The following SUCNR1 variants were observed in gnomAD, a reference collection of about 807,000 sequenced individuals.
The protein encoded by SUCNR1 is G-protein coupled receptor 91.
A neutral mutation model predicts 2.4 loss-of-function variants in SUCNR1; 5 were observed. That is an observed-to-expected ratio of 2.07 (90% CI 1.08 to 4.36). The LOEUF (loss-of-function observed/expected upper bound fraction) is 4.36. SUCNR1 is among the 30% of genes most tolerant of loss of function. The pLI, the probability that SUCNR1 is intolerant of heterozygous loss-of-function variation, is 0.00. For missense variants in SUCNR1, 373 were observed against 399.2 expected (o/e 0.93, Z 0.56); for synonymous variants, 162 against 143.9 (o/e 1.13, Z -0.90).
Position 151,881,242 on chromosome 3 carries a change from G to A in SUCNR1, c.699G>A (p.Leu233=). 1 of 1,614,182 alleles carries A rather than the reference G, an allele frequency of 6.2e-7. No individual in the cohort carries two copies. The highest frequency in any genetic ancestry group is 8.5e-7 in the Non-Finnish European group (1 of 1,180,028). The change falls in exon 3 of 3, where the codon TTG becomes TTA. Residue 233 remains leucine, a synonymous_variant. Transcript: ENST00000362032. ...TGCCCCTTGAAAAGCCTCTCAACTT[G>A]GTCATCATGGCAGTGGTAATCTTCT... ...TALPLEKPLN[L]VIMAVVIFSV...
chr3:151,874,138 ATATATATATTTTTTTTT>A (rs1275359107), intron 1 of SUCNR1, among the ~76,000 whole-genome samples: 1 of 76,306 alleles, frequency 1.3e-5, no homozygotes. Flanking sequence ...ATATATATAT[ATATATATATTTTTTTTT>A]TTTTTTTTTT....
At chr3:151,880,051 G>A (rs1481019527) in intron 2 of SUCNR1, 144 bp downstream of exon 2, 1 of 477,542 alleles carries the variant, frequency 2.1e-6, no homozygotes, top group Non-Finnish European at 3.7e-6. Flanking sequence ...CTTATGCCTG[G>A]AACACTTCCT....
chr3:151,874,156 T>A (rs1464031959), intron 1 of SUCNR1, among the ~76,000 whole-genome samples: 1,569 of 102,744 alleles, frequency 0.015, 17 homozygotes, highest in South Asian at 0.027. Context: ...ATTTTTTTTT[T>A]TTTTTTTTTT....
At position 151,874,146 on chromosome 3, in the gene SUCNR1, A is replaced by ATTTTTT. The variant is rs56678758; in HGVS notation, c.-42+459_-42+464dup. ...CATACATATATATATATATATATATATTTTTTTTTTTTTTTTTTTTTTTTA... is the reference window on the plus strand; with the variant it reads ...CATACATATATATATATATATATATATTTTTTTTTTTTTTTTTTTTTTTTTTTTTTA... On this transcript the variant is annotated intron_variant, in intron 1 of 2. Coordinates refer to ENST00000362032, the MANE Select transcript of SUCNR1 (RefSeq NM_033050.6). 1.5e-3 allele frequency among the ~76,000 whole-genome samples: 93 copies of ATTTTTT among 60,176 alleles called. 3 individuals are homozygous for ATTTTTT. Among genetic ancestry groups the ATTTTTT allele is most frequent in the Non-Finnish European group, 2.2e-3 (75 of 33,822 alleles). 39.5% of individuals were successfully genotyped at this position (60,176 alleles called of 152,430 possible).
At chr3:151,879,061 A>G (rs1314720366) in intron 1 of SUCNR1, among the ~76,000 whole-genome samples, 1 of 152,236 alleles carries the variant, frequency 6.6e-6, no homozygotes, top group Non-Finnish European at 1.5e-5. Flanking sequence ...GGTTTTTAGA[A>G]CATTTTGTTT....
At chr3:151,879,598 G>A (rs1408578376) in intron 1 of SUCNR1, among the ~76,000 whole-genome samples, 1 of 152,142 alleles carries the variant, frequency 6.6e-6, no homozygotes, top group East Asian at 1.9e-4. Context: ...ATAGAACTGT[G>A]AGAAATAAAT....
At chr3:151,875,984 T>G (rs1717912834) in intron 1 of SUCNR1, among the ~76,000 whole-genome samples, 1 of 152,190 alleles carries the variant, frequency 6.6e-6, no homozygotes, top group Non-Finnish European at 1.5e-5. Flanking sequence ...CTTTCTGCTG[T>G]GCACAATACA....
In SUCNR1 at chr3:151,880,838, C is replaced by A. The variant is rs753706901; in HGVS notation, c.295C>A (p.Arg99=). The A allele has an allele frequency of 6.2e-7, 1 of 1,613,956 alleles. No homozygotes were observed. Among genetic ancestry groups the A allele is most frequent in the Non-Finnish European group, 8.5e-7 (1 of 1,180,012 alleles). Residue 99 remains arginine (R), a synonymous_variant, in exon 3 of 3, where the codon CGA becomes AGA. Transcript: ENST00000362032. The part of the protein sequence containing the change: ...IYGDVLCISN[R]YVLHANLYTS... ...TGGAGACGTGCTCTGCATAAGCAAC[C>A]GATATGTGCTTCATGCCAACCTCTA...
At position 151,880,944 on chromosome 3, in the gene SUCNR1, AAAAG is replaced by A. The variant is rs746049084; in HGVS notation, c.407_410del (p.Lys136SerfsTer5). The A allele has an allele frequency of 1.2e-6, 2 of 1,613,920 alleles. No homozygotes were observed. The highest frequency in any genetic ancestry group is 1.3e-5 in the African/African-American group (1 of 74,912). On this transcript the variant is annotated frameshift_variant, in exon 3 of 3. Coordinates refer to ENST00000362032, the MANE Select transcript of SUCNR1 (RefSeq NM_033050.6). LOFTEE classifies it low-confidence loss of function (END_TRUNC). ...TATCCTTTCCGAGAACACCTTCTGC[AAAAG>A]AAAGAGTTTGCTATTTTAATCTCCT...
At chr3:151,876,066 A>G (rs1010792730) in intron 1 of SUCNR1, among the ~76,000 whole-genome samples, 1 of 152,218 alleles carries the variant, frequency 6.6e-6, no homozygotes, top group African/African-American at 2.4e-5. Context: ...AGGAAATGCA[A>G]AAGTGAAACA....
rs201481949 is a variant in SUCNR1 at position 151,881,290 on chromosome 3, C to G, written c.747C>G (p.His249Gln). ...TCTCTGTGCTTTTTACACCCTATCA[C>G]GTCATGCGGAATGTGAGGATCGCTT... ...VIFSVLFTPY[H>Q]VMRNVRIASR... Residue 249 changes from histidine to glutamine, a missense_variant, in exon 3 of 3, where the codon CAC becomes CAG. By Grantham distance (24) the His-to-Gln change is conservative. Around this residue, in one of 3 missense-constraint regions of SUCNR1, gnomAD observed 157 missense variants for 178.7 expected, o/e 0.88. Coordinates refer to ENST00000362032, the MANE Select transcript of SUCNR1 (RefSeq NM_033050.6). 1.2e-6 allele frequency: 2 copies of G among 1,614,214 alleles called. No homozygotes were observed. The highest frequency in any genetic ancestry group is 3.3e-5 in the Admixed American group (2 of 60,014).
intron 1 of SUCNR1, among the ~76,000 whole-genome samples, chr3:151,876,871 A>G (rs1717938494): frequency 6.6e-6 from 1 of 152,114 alleles, no homozygotes; most frequent in African/African-American, 2.4e-5. Flanking sequence ...TCATCTCTTC[A>G]CTCAACAAAG....
rs1471605529 is a variant in SUCNR1, at chr3:151,881,081, G to A, written c.538G>A (p.Asp180Asn). The A allele has an allele frequency of 6.8e-6, 11 of 1,614,094 alleles. No homozygotes were observed. The highest frequency in any genetic ancestry group is 9.3e-6 in the Non-Finnish European group (11 of 1,180,012). ...TTCNDFASSG[D>N]PNYNLIYSMC... ...CTGTAATGATTTTGCAAGTTCTGGA[G>A]ACCCCAACTACAACCTCATTTACAG... Residue 180 changes from aspartate (D) to asparagine (N), a missense_variant, in exon 3 of 3, where the codon GAC (aspartate) becomes AAC (asparagine). Asp to Asn is a conservative substitution (Grantham distance 23, BLOSUM62 1). Around this residue, in one of 3 missense-constraint regions of SUCNR1, gnomAD observed 32 missense variants for 58.3 expected, o/e 0.55. Coordinates refer to ENST00000362032, the MANE Select transcript of SUCNR1 (RefSeq NM_033050.6).
Position 151,884,151 on chromosome 3 carries a change from CT to C in SUCNR1, c.*2604del, listed in dbSNP as rs1718183647. The C allele has an allele frequency of 6.6e-6, 1 of 152,132 alleles. No individual in the cohort carries two copies. The highest frequency in any genetic ancestry group is 2.1e-4 in the South Asian group (1 of 4,828). The allele number at this position is 152,132 out of a possible 1,614,324, so 9.4% of individuals were successfully genotyped here. On this transcript the variant is annotated 3_prime_UTR_variant, in exon 3 of 3. Transcript: ENST00000362032. Reference sequence around the variant, plus strand: ...TCATAGCTGAGTACTCTTAAAATTACTGTTTATTATAAGTGAATGTCTTACA... The same window carrying C: ...TCATAGCTGAGTACTCTTAAAATTACGTTTATTATAAGTGAATGTCTTACA...
chr3:151,874,105 C>CATAT (rs1319151155), intron 1 of SUCNR1, among the ~76,000 whole-genome samples: 7 of 131,212 alleles, frequency 5.3e-5, no homozygotes, highest in African/African-American at 2.2e-4. Context: ...CACACACACA[C>CATAT]ACACACACAC....
Position 151,883,992 on chromosome 3 carries a change from T to C in SUCNR1, c.*2444T>C, listed in dbSNP as rs1196209891. 3 of 152,228 alleles carry C rather than the reference T, an allele frequency of 2.0e-5. No individual in the cohort carries two copies. Among genetic ancestry groups the C allele is most frequent in the Non-Finnish European group, 2.9e-5 (2 of 68,042 alleles). 9.4% of individuals were successfully genotyped at this position (152,228 alleles called of 1,614,324 possible). On this transcript the variant is annotated 3_prime_UTR_variant, in exon 3 of 3. Coordinates refer to ENST00000362032, the MANE Select transcript of SUCNR1 (RefSeq NM_033050.6). The stretch of plus-strand genomic sequence containing the variant: ...CTTTCAAGGTTCATCTCATCTGTCA[T>C]TCTTTGTTGAAGCTTGCCCTTATAT...
At chr3:151,880,457 AG>A in intron 2 of SUCNR1, 101 bp from the exon 3 acceptor site, 1 of 814,260 alleles carries the variant, frequency 1.2e-6, no homozygotes, top group Non-Finnish European at 2.0e-6. Context: ...TACTTTCTAT[AG>A]TTCACCATTC....
Position 151,879,879 on chromosome 3 carries a change from T to C in SUCNR1, c.-14T>C. On this transcript the variant is annotated 5_prime_UTR_variant, in exon 2 of 3. Transcript: ENST00000362032. ...TATGGTTTAACTCAGCAGAATTTGT[T>C]GAACAACTACGACATGCTGGGGATC... The C allele has an allele frequency of 6.4e-7, 1 of 1,574,408 alleles. No individual in the cohort carries two copies. The highest frequency in any genetic ancestry group is 8.6e-7 in the Non-Finnish European group (1 of 1,159,580).
rs1170539132 is a variant in SUCNR1, at chr3:151,874,154, T to A, written c.-42+448T>A. 5.6e-3 allele frequency among the ~76,000 whole-genome samples: 452 copies of A among 81,132 alleles called. 3 individuals are homozygous for A. The highest frequency in any genetic ancestry group is 0.023 in the South Asian group (66 of 2,880). 53.2% of individuals were successfully genotyped at this position (81,132 alleles called of 152,430 possible). ...TATATATATATATATATATTTTTTT[T>A]TTTTTTTTTTTTTTTTAAGACAGAG... On this transcript the variant is annotated intron_variant, in intron 1 of 2. Coordinates refer to ENST00000362032, the MANE Select transcript of SUCNR1 (RefSeq NM_033050.6).
Sources: gnomAD v4.1 joint callset for allele counts (sites outside exome capture counted in the v4.1 genomes callset) on GRCh38, gnomAD v4.1.1 for gene constraint, gnomAD v4.1.1 regional missense constraint, MANE v1.5 for transcripts, NCBI Gene and HGNC (gene_info 2026-07-23, HGNC 2026-07-21) for gene names.